Variants in ALK observed in about 807,000 individuals in gnomAD.
ALK encodes the protein ALK receptor tyrosine kinase, also known as ALK tyrosine kinase receptor.
Under a neutral mutation model 163.1 loss-of-function variants are expected in ALK, and 74 were observed. The ratio of observed to expected loss-of-function variants is 0.45; its 90% CI spans 0.38 to 0.55. The LOEUF (loss-of-function observed/expected upper bound fraction) is 0.55. Ranked by LOEUF, ALK falls within the 20% of genes least tolerant of loss-of-function variation. The pLI, the probability that ALK is intolerant of heterozygous loss-of-function variation, is 0.00. For synonymous variants in ALK, 960 were observed against 843.2 expected (o/e 1.14, Z -2.40); for missense variants, 2,063 against 2,105.3 (o/e 0.98, Z 0.39).
intron 5 of ALK, among the ~76,000 whole-genome samples, chr2:29,334,910 C>T (rs1216556681): frequency 2.0e-5 from 3 of 152,088 alleles, no homozygotes; most frequent in African/African-American, 4.8e-5. Flanking sequence ...TTTATGGGGC[C>T]CATAAATTCC....
intron 3 of ALK, among the ~76,000 whole-genome samples, chr2:29,555,593 A>C (rs1573452759): frequency 6.6e-6 from 1 of 152,070 alleles, no homozygotes; most frequent in East Asian, 1.9e-4. Context: ...CTTGGTTTGG[A>C]TTTAATGAAT....
intron 4 of ALK, among the ~76,000 whole-genome samples, chr2:29,492,423 C>T (rs1374228193): frequency 2.0e-5 from 3 of 152,002 alleles, no homozygotes; most frequent in East Asian, 3.9e-4. Flanking sequence ...CTTGATGGCT[C>T]GGGTGAGGAT....
At chr2:29,832,634 C>A (rs1160411564) in intron 1 of ALK, among the ~76,000 whole-genome samples, 1 of 152,164 alleles carries the variant, frequency 6.6e-6, no homozygotes, top group Non-Finnish European at 1.5e-5. Flanking sequence ...GAAGCTAAAG[C>A]CCTTGCTTCT....
intron 1 of ALK, among the ~76,000 whole-genome samples, chr2:29,849,280 CAA>C (rs1665933788): frequency 6.6e-6 from 1 of 152,182 alleles, no homozygotes; most frequent in African/African-American, 2.4e-5. Flanking sequence ...AGTTAGAGCA[CAA>C]ATTCAAGCCC....
intron 3 of ALK, among the ~76,000 whole-genome samples, chr2:29,635,922 T>C (rs1478187748): frequency 6.6e-6 from 1 of 152,120 alleles, no homozygotes; most frequent in African/African-American, 2.4e-5. Flanking sequence ...TGAGTCACTG[T>C]GTCCAGCCAC....
At chr2:29,914,022 G>A (rs922629874) in intron 1 of ALK, among the ~76,000 whole-genome samples, 3 of 152,104 alleles carry the variant, frequency 2.0e-5, no homozygotes, top group Non-Finnish European at 2.9e-5. Context: ...TCTCTATCTT[G>A]TTCTTCCTCC....
At chr2:29,850,799 C>T (rs901662203) in intron 1 of ALK, among the ~76,000 whole-genome samples, 10 of 152,204 alleles carry the variant, frequency 6.6e-5, no homozygotes, top group African/African-American at 2.4e-4. Flanking sequence ...TCATCTCTGC[C>T]CCTGTGCTTT....
chr2:29,444,085 C>A (rs1376881257), intron 4 of ALK, among the ~76,000 whole-genome samples: 1 of 152,168 alleles, frequency 6.6e-6, no homozygotes, highest in Admixed American at 6.5e-5. Context: ...AAATAAACTA[C>A]AGTAGAGAGC....
intron 4 of ALK, among the ~76,000 whole-genome samples, chr2:29,409,280 G>A (rs1264533705): frequency 3.3e-5 from 5 of 152,122 alleles, no homozygotes; most frequent in Non-Finnish European, 4.4e-5. Context: ...TTTACCCAGC[G>A]AGAAGAGAGT....
intron 4 of ALK, among the ~76,000 whole-genome samples, chr2:29,436,860 A>T (rs1278106730): frequency 3.3e-5 from 5 of 152,170 alleles, no homozygotes; most frequent in Non-Finnish European, 7.3e-5. Context: ...GACCAGCCAG[A>T]GGAGAAAATG....
chr2:29,660,134 G>C (rs1677307200), intron 3 of ALK, among the ~76,000 whole-genome samples: 2 of 152,136 alleles, frequency 1.3e-5, no homozygotes, highest in South Asian at 2.1e-4. Flanking sequence ...CCAAGAGTCT[G>C]TCCAGCACGG....
intron 3 of ALK, among the ~76,000 whole-genome samples, chr2:29,678,365 A>G (rs1475281252): frequency 1.3e-5 from 2 of 151,656 alleles, no homozygotes; most frequent in Non-Finnish European, 3.0e-5. Context: ...TGATTTTTCT[A>G]ATTTCTTAAA....
At chr2:29,494,786 A>T (rs184443825) in intron 4 of ALK, among the ~76,000 whole-genome samples, 133 of 151,696 alleles carry the variant, frequency 8.8e-4, no homozygotes, top group Non-Finnish European at 1.7e-3. Flanking sequence ...CCCAGGACTG[A>T]CTTCCTGCCT....
Position 29,566,985 on chromosome 2 carries a change from A to C in ALK, c.953-34869T>G, listed in dbSNP as rs771369961. Among the ~76,000 whole-genome samples, 73 of 152,358 alleles carry C rather than the reference A, an allele frequency of 4.8e-4. 1 individual carries two copies. The Middle Eastern group carries it at 0.01, about 21-fold the overall frequency. ...AGAAATCTTTAAGTCATAAGCTATG[A>C]GTAATTTTCTGTTTATCTTCATTTT... On this transcript the variant is annotated intron_variant, in intron 3 of 28. Transcript: ENST00000389048.
At chr2:29,735,395 T>C (rs886573846) in intron 1 of ALK, among the ~76,000 whole-genome samples, 1 of 152,120 alleles carries the variant, frequency 6.6e-6, no homozygotes, top group Non-Finnish European at 1.5e-5. Context: ...TAATAATAAA[T>C]GCTATCTTAG....
chr2:29,704,596 C>T (rs1055807517), intron 2 of ALK, among the ~76,000 whole-genome samples: 3 of 152,174 alleles, frequency 2.0e-5, no homozygotes, highest in South Asian at 2.1e-4. Flanking sequence ...TATATGGCTA[C>T]GTTTCAAATA....
intron 1 of ALK, among the ~76,000 whole-genome samples, chr2:29,914,055 A>G (rs1667771263): frequency 1.3e-5 from 2 of 152,230 alleles, no homozygotes; most frequent in African/African-American, 2.4e-5. Context: ...ATATTTTCAT[A>G]AAGTTAAGCC....
chr2:29,625,343 G>A (rs1489592387), intron 3 of ALK, among the ~76,000 whole-genome samples: 1 of 152,166 alleles, frequency 6.6e-6, no homozygotes, highest in African/African-American at 2.4e-5. Flanking sequence ...AAGGAGGAGT[G>A]CACACATGCA....
chr2:29,396,773 C>T (rs1278329531), intron 4 of ALK, among the ~76,000 whole-genome samples: 1 of 151,038 alleles, frequency 6.6e-6, no homozygotes. Context: ...CATACCAGGG[C>T]TCCTTCATCC....
Sources: allele counts gnomAD v4.1 joint callset (sites outside exome capture counted in the v4.1 genomes callset), GRCh38; gene constraint gnomAD v4.1.1; transcripts MANE v1.5; gene names NCBI Gene and HGNC (gene_info 2026-07-23, HGNC 2026-07-21).